Variants in MGAT1 observed in about 807,000 individuals in gnomAD.
MGAT1 encodes the protein alpha-1,3-mannosyl-glycoprotein 2-beta-N-acetylglucosaminyltransferase, also known as N-glycosyl-oligosaccharide-glycoprotein N-acetylglucosaminyltransferase I.
A neutral mutation model predicts 31.7 loss-of-function variants in MGAT1; 14 were observed. The ratio of observed to expected loss-of-function variants is 0.44; its 90% confidence interval spans 0.29 to 0.69. The LOEUF is 0.69. Ranked by LOEUF, MGAT1 falls within the 30% of genes least tolerant of loss-of-function variation. The pLI is 0.12. For synonymous variants in MGAT1, 338 were observed against 276.0 expected (o/e 1.22, Z -2.23); for missense variants, 557 against 626.0 (o/e 0.89, Z 1.18).
intron 2 of MGAT1, among the ~76,000 whole-genome samples, chr5:180,808,002 A>C (rs952794167): frequency 1.3e-5 from 2 of 152,188 alleles, no homozygotes; most frequent in Non-Finnish European, 2.9e-5. Flanking sequence ...CTTGTAAGGG[A>C]CCTGGAAAGT....
Position 180,792,375 on chromosome 5 carries a change from C to T in MGAT1, c.597G>A (p.Gln199=), listed in dbSNP as rs903077173. ...YRWALGQVFR[Q]FRFPAAVVVE... Reference sequence around the variant, plus strand: ...CCACCACGGCCGCGGGGAAGCGAAACTGCCGGAAGACCTGGCCCAGCGCCC... The same window carrying T: ...CCACCACGGCCGCGGGGAAGCGAAATTGCCGGAAGACCTGGCCCAGCGCCC... The change falls in exon 2 of 2, where the codon CAG becomes CAA. Residue 199 remains glutamine, a synonymous_variant. Coordinates refer to ENST00000307826, the MANE Select transcript of MGAT1 (RefSeq NM_002406.4). 1.2e-6 allele frequency: 2 copies of T among 1,611,072 alleles called. No individual in the cohort carries two copies. The highest frequency in any genetic ancestry group is 1.3e-5 in the African/African-American group (1 of 75,036).
chr5:180,803,516 G>A (rs1771359302), upstream of MGAT1: 1 of 152,516 alleles, frequency 6.6e-6, no homozygotes, highest in Non-Finnish European at 1.5e-5. Context: ...GTTTTAAAGG[G>A]GAGGAAGGTG....
At chr5:180,794,345 G>C (rs546127892) in intron 1 of MGAT1, among the ~76,000 whole-genome samples, 1 of 151,646 alleles carries the variant, frequency 6.6e-6, no homozygotes, top group African/African-American at 2.4e-5. Context: ...GCTGTGATTG[G>C]ATTGTGCCAT....
intron 1 of MGAT1, among the ~76,000 whole-genome samples, chr5:180,811,919 A>G (rs916037965): frequency 7.2e-5 from 11 of 152,218 alleles, no homozygotes; most frequent in African/African-American, 1.9e-4. Flanking sequence ...CCAGGACTGA[A>G]CCCTTCAGCT....
At position 180,792,255 on chromosome 5, in the gene MGAT1, C is replaced by G. The variant is rs753539042; in HGVS notation, c.717G>C (p.Ser239=). The G allele has an allele frequency of 3.7e-6, 6 of 1,613,058 alleles. No individual in the cohort carries two copies. Among genetic ancestry groups the G allele is most frequent in the Non-Finnish European group, 5.1e-6 (6 of 1,179,960 alleles). The change falls in exon 2 of 2, where the codon TCG becomes TCC. Residue 239 remains serine (S), a synonymous_variant. Transcript: ENST00000307826. ...LKADPSLWCV[S]AWNDNGKEQM... ...GCTCCTTGCCGTTGTCATTCCAGGC[C>G]GAGACGCACCACAGGGAGGGGTCGG...
intron 1 of MGAT1, among the ~76,000 whole-genome samples, chr5:180,800,150 TGA>T (rs1421891131): frequency 6.6e-6 from 1 of 152,196 alleles, no homozygotes; most frequent in African/African-American, 2.4e-5. Context: ...CCTGAAGCAA[TGA>T]GAGAAACAGA....
chr5:180,809,818 A>C (rs1363465427), intron 1 of MGAT1: 1 of 136,312 alleles, frequency 7.3e-6, no homozygotes, highest in Non-Finnish European at 1.6e-5. Context: ...CTCAACACAC[A>C]TCCATCCACA....
intron 1 of MGAT1, among the ~76,000 whole-genome samples, chr5:180,812,335 A>G (rs1027551324): frequency 1.4e-4 from 21 of 152,230 alleles, no homozygotes; most frequent in African/African-American, 5.1e-4. Flanking sequence ...ATTTTGCATT[A>G]TGATTTCTAA....
rs1044500615 is a variant in MGAT1, at chr5:180,784,960, G to A, written c.*6674C>T. 2.0e-5 allele frequency: 3 copies of A among 152,160 alleles called. No homozygotes were observed. Among genetic ancestry groups the A allele is most frequent in the Non-Finnish European group, 2.9e-5 (2 of 68,034 alleles). 9.4% of individuals were successfully genotyped at this position (152,160 alleles called of 1,614,324 possible). ...TTTGCCGTGTGGCAAAATATTCCTC[G>A]TTGGATCATGTCAGTGGAAAGAGTA... On this transcript the variant is annotated 3_prime_UTR_variant, in exon 2 of 2. Transcript: ENST00000307826.
rs1347890725 is a variant in MGAT1, at chr5:180,786,645, T to C, written c.*4989A>G. On this transcript the variant is annotated 3_prime_UTR_variant, in exon 2 of 2. Coordinates refer to ENST00000307826, the MANE Select transcript of MGAT1 (RefSeq NM_002406.4). ...ACCCTTTACCTTCTTCCTTCCTCCT[T>C]CTTCCTAAAACGTGTGCTGGCTGGA... The C allele has an allele frequency of 6.6e-6, 1 of 152,390 alleles. No homozygotes were observed. Among genetic ancestry groups the C allele is most frequent in the Non-Finnish European group, 1.5e-5 (1 of 68,270 alleles). The allele number at this position is 152,390 out of a possible 1,614,324, so 9.4% of individuals were successfully genotyped here. A position where few individuals can be genotyped will look rare whatever the true frequency, so the allele number is the denominator to read the frequency against.
In MGAT1 at chr5:180,787,197, A is replaced by G. The variant is rs989819698; in HGVS notation, c.*4437T>C. ...AGTCAGACACGCAGGTCACGGGCCC[A>G]GAGCAGGGCCGGCCCAGGCCCACCG... On this transcript the variant is annotated 3_prime_UTR_variant, in exon 2 of 2. Coordinates refer to ENST00000307826, the MANE Select transcript of MGAT1 (RefSeq NM_002406.4). The G allele has an allele frequency of 6.6e-6, 1 of 152,318 alleles. No homozygotes were observed. Among genetic ancestry groups the G allele is most frequent in the Non-Finnish European group, 1.5e-5 (1 of 68,100 alleles). 9.4% of individuals were successfully genotyped at this position (152,318 alleles called of 1,614,324 possible).
chr5:180,813,810 A>G (rs1194234773), intron 1 of MGAT1, among the ~76,000 whole-genome samples: 1 of 152,186 alleles, frequency 6.6e-6, no homozygotes, highest in Non-Finnish European at 1.5e-5. Flanking sequence ...CTGCCTTTCA[A>G]GTCTAACTCA....
chr5:180,787,321 T>C lies in MGAT1; in HGVS notation c.*4313A>G, dbSNP rs149128548. 1 of 152,286 alleles carries C rather than the reference T, an allele frequency of 6.6e-6. No individual in the cohort carries two copies. Among genetic ancestry groups the C allele is most frequent in the Non-Finnish European group, 1.5e-5 (1 of 68,038 alleles). The allele number at this position is 152,286 out of a possible 1,614,324, so 9.4% of individuals were successfully genotyped here. ...GAATTGCCAGGGGCCAGAATGTGGG[T>C]AGGTGGGAGAACAGATGGAGGCTGA... On this transcript the variant is annotated 3_prime_UTR_variant, in exon 2 of 2. Transcript: ENST00000307826.
intron 1 of MGAT1, among the ~76,000 whole-genome samples, chr5:180,799,192 T>C (rs1250500584): frequency 6.6e-6 from 1 of 152,194 alleles, no homozygotes; most frequent in Non-Finnish European, 1.5e-5. Context: ...CTCATTATGA[T>C]GACATCCAAA....
At chr5:180,810,814 TTC>T (rs1169765777) in intron 1 of MGAT1, 1 of 152,514 alleles carries the variant, frequency 6.6e-6, no homozygotes, top group African/African-American at 2.4e-5. Context: ...TCGCTGCTGT[TTC>T]TCGCTGCCTC....
In MGAT1 at chr5:180,787,601, G is replaced by C. The variant is rs1162561329; in HGVS notation, c.*4033C>G. On this transcript the variant is annotated 3_prime_UTR_variant, in exon 2 of 2. Coordinates refer to ENST00000307826, the MANE Select transcript of MGAT1 (RefSeq NM_002406.4). Reference sequence around the variant, plus strand: ...ACCCACGCGTAAACACACGTTAAGGGAGCGTGTGCAGTATGTTGTATCTAA... The same window carrying C: ...ACCCACGCGTAAACACACGTTAAGGCAGCGTGTGCAGTATGTTGTATCTAA... 1 of 152,264 alleles carries C rather than the reference G, an allele frequency of 6.6e-6. No homozygotes were observed. The highest frequency in any genetic ancestry group is 6.5e-5 in the Admixed American group (1 of 15,286). The allele number at this position is 152,264 out of a possible 1,614,324, so 9.4% of individuals were successfully genotyped here.
rs896063114 is a variant in MGAT1 at position 180,788,613 on chromosome 5, G to A, written c.*3021C>T. On this transcript the variant is annotated 3_prime_UTR_variant, in exon 2 of 2. Transcript: ENST00000307826. ...AAACAGGAGCAAAACAGTACCCACC[G>A]CCTAGGCTTGCTCTGAGGATCAAGT... The A allele has an allele frequency of 6.6e-5, 10 of 152,270 alleles. No individual in the cohort carries two copies. The highest frequency in any genetic ancestry group is 1.9e-4 in the African/African-American group (8 of 41,452). 9.4% of individuals were successfully genotyped at this position (152,270 alleles called of 1,614,324 possible). A position where few individuals can be genotyped will look rare whatever the true frequency, so the allele number is the denominator to read the frequency against.
At chr5:180,809,812 A>G (rs1772344103) in intron 1 of MGAT1, 1 of 141,244 alleles carries the variant, frequency 7.1e-6, no homozygotes, top group Non-Finnish European at 1.5e-5. Context: ...CTCTCTCTCA[A>G]CACACATCCA....
At chr5:180,806,450 G>T (rs1194287503), upstream of MGAT1, among the ~76,000 whole-genome samples, 1 of 152,230 alleles carries the variant, frequency 6.6e-6, no homozygotes, top group Non-Finnish European at 1.5e-5. Flanking sequence ...GGGCAGGAGG[G>T]TGGGAAGGTC....
Sources: allele counts gnomAD v4.1 joint callset (sites outside exome capture counted in the v4.1 genomes callset), GRCh38; gene constraint gnomAD v4.1.1; transcripts MANE v1.5; gene names NCBI Gene and HGNC (gene_info 2026-07-23, HGNC 2026-07-21).